ZSWIM6: variants seen among roughly 807,000 people sequenced by gnomAD.
ZSWIM6 encodes zinc finger SWIM-type containing 6, also known as zinc finger SWIM domain-containing protein 6.
Under a neutral mutation model 113.2 loss-of-function variants are expected in ZSWIM6, and 9 were observed. The ratio of observed to expected loss-of-function variants is 0.08; its 90% confidence interval spans 0.05 to 0.14. The LOEUF is 0.14. Ranked by LOEUF, ZSWIM6 falls within the 10% of genes least tolerant of loss-of-function variation. ZSWIM6 has a pLI of 1.00. For missense variants in ZSWIM6, 1,162 were observed against 1,552.2 expected (o/e 0.75, Z 4.22); for synonymous variants, 611 against 606.5 (o/e 1.01, Z -0.11).
At chr5:61,369,093 A>T (rs1745215342) in intron 1 of ZSWIM6, among the ~76,000 whole-genome samples, 1 of 152,246 alleles carries the variant, frequency 6.6e-6, no homozygotes, top group Admixed American at 6.5e-5. Context: ...GTTTACACAC[A>T]TATTCATTGG....
Position 61,544,670 on chromosome 5 carries a change from T to A in ZSWIM6, c.*353T>A, listed in dbSNP as rs1330623627. ...TATACGTTCACAGCCTCAAAAAAAATAATTGAAATGGCTTTAAAAACCAAA... is the reference window on the plus strand; with the variant it reads ...TATACGTTCACAGCCTCAAAAAAAAAAATTGAAATGGCTTTAAAAACCAAA... On this transcript the variant is annotated 3_prime_UTR_variant, in exon 14 of 14. Coordinates refer to ENST00000252744, the MANE Select transcript of ZSWIM6 (RefSeq NM_020928.2). 2 of 153,638 alleles carry A rather than the reference T, an allele frequency of 1.3e-5. No individual in the cohort carries two copies. The highest frequency in any genetic ancestry group is 6.5e-5 in the Admixed American group (1 of 15,324). The allele number at this position is 153,638 out of a possible 1,614,324, so 9.5% of individuals were successfully genotyped here.
Position 61,337,966 on chromosome 5 carries a change from ATG to A in ZSWIM6, c.676+5033_676+5034del, listed in dbSNP as rs140416092. On this transcript the variant is annotated intron_variant, in intron 1 of 13. Transcript: ENST00000252744. ...TTATATTGTTTTGGTGTGTTCGCAT[ATG>A]TGTGTGTGTGTGTGCTTGAGTGTGT... Among the ~76,000 whole-genome samples, 9 of 150,404 alleles carry A rather than the reference ATG, an allele frequency of 6.0e-5. No homozygotes were observed. In the South Asian group the frequency reaches 6.3e-4, roughly 11 times the overall value.
chr5:61,414,290 G>A (rs893039547), intron 1 of ZSWIM6, among the ~76,000 whole-genome samples: 1 of 152,054 alleles, frequency 6.6e-6, no homozygotes, highest in Non-Finnish European at 1.5e-5. Context: ...GCATTGGATG[G>A]GATGGGGAAA....
At chr5:61,433,338 C>A (rs888963739) in intron 1 of ZSWIM6, among the ~76,000 whole-genome samples, 1 of 151,796 alleles carries the variant, frequency 6.6e-6, no homozygotes, top group Non-Finnish European at 1.5e-5. Context: ...AGAAGGCATG[C>A]GGTGTGGCAT....
At chr5:61,347,763 T>C (rs1392663637) in intron 1 of ZSWIM6, 1 of 152,210 alleles carries the variant, frequency 6.6e-6, no homozygotes, top group Non-Finnish European at 1.5e-5. Flanking sequence ...TATGATAGAA[T>C]GTCCTGGTGA....
At chr5:61,370,264 C>T (rs1745238839) in intron 1 of ZSWIM6, among the ~76,000 whole-genome samples, 1 of 152,084 alleles carries the variant, frequency 6.6e-6, no homozygotes, top group Non-Finnish European at 1.5e-5. Context: ...TATTTAAAAG[C>T]TGTATAAAAA....
At chr5:61,513,889 T>C (rs183072896) in intron 4 of ZSWIM6, among the ~76,000 whole-genome samples, 100 of 152,244 alleles carry the variant, frequency 6.6e-4, no homozygotes, top group East Asian at 4.2e-3. Flanking sequence ...ATCTTTTGTC[T>C]TTGTCCTTCT....
intron 1 of ZSWIM6, among the ~76,000 whole-genome samples, chr5:61,343,097 A>G (rs1363581654): frequency 6.6e-6 from 1 of 152,216 alleles, no homozygotes; most frequent in East Asian, 1.9e-4. Context: ...TCCTTTTAAA[A>G]TGTTACAATT....
intron 1 of ZSWIM6, among the ~76,000 whole-genome samples, chr5:61,420,099 T>G (rs1221383957): frequency 6.6e-6 from 1 of 152,266 alleles, no homozygotes; most frequent in Non-Finnish European, 1.5e-5. Context: ...TTCAGATATT[T>G]TTATGGTTAT....
chr5:61,491,415 GTA>G (rs981407306), intron 3 of ZSWIM6, among the ~76,000 whole-genome samples: 5 of 151,988 alleles, frequency 3.3e-5, no homozygotes, highest in Non-Finnish European at 5.9e-5. Flanking sequence ...ATCTTTCTAA[GTA>G]TATAAACCTT....
At position 61,539,763 on chromosome 5, in the gene ZSWIM6, C is replaced by T. The variant is rs776737876; in HGVS notation, c.2703+4C>T. ...GTCTCTGGAGCTGGGCCTGCAGGTACATGACTGGTAGTCTTTCCTGGGACA... is the reference window on the plus strand; with the variant it reads ...GTCTCTGGAGCTGGGCCTGCAGGTATATGACTGGTAGTCTTTCCTGGGACA... On this transcript the variant is annotated splice_donor_region_variant and intron_variant, in intron 12 of 13. Coordinates refer to ENST00000252744, the MANE Select transcript of ZSWIM6 (RefSeq NM_020928.2). 2.6e-6 allele frequency: 4 copies of T among 1,549,318 alleles called. No homozygotes were observed. Among genetic ancestry groups the T allele is most frequent in the South Asian group, 1.2e-5 (1 of 83,656 alleles).
At chr5:61,420,855 T>G (rs1561230498) in intron 1 of ZSWIM6, among the ~76,000 whole-genome samples, 1 of 152,108 alleles carries the variant, frequency 6.6e-6, no homozygotes, top group Non-Finnish European at 1.5e-5. Flanking sequence ...AATGTAAAAT[T>G]AAATTATTTT....
intron 1 of ZSWIM6, among the ~76,000 whole-genome samples, chr5:61,362,816 A>G (rs1056690691): frequency 3.9e-5 from 6 of 152,162 alleles, no homozygotes; most frequent in African/African-American, 1.4e-4. Context: ...TCTGGCAGGC[A>G]TTTCAAGCCA....
intron 1 of ZSWIM6, among the ~76,000 whole-genome samples, chr5:61,365,731 A>G (rs192884890): frequency 1.8e-4 from 28 of 152,280 alleles, no homozygotes; most frequent in East Asian, 5.8e-4. Context: ...GATGGAGTCA[A>G]TTCCCTTTGC....
chr5:61,482,374 T>G (rs1481387475), intron 2 of ZSWIM6, among the ~76,000 whole-genome samples: 1 of 151,988 alleles, frequency 6.6e-6, no homozygotes, highest in Non-Finnish European at 1.5e-5. Flanking sequence ...AGGGGAGGGA[T>G]AGCATTAGGA....
rs1251411688 is a variant in ZSWIM6 at position 61,544,202 on chromosome 5, C to A, written c.3533C>A (p.Thr1178Asn). ...GAGTTCCTCAGCAAAGCCCGAGAGA[C>A]CTTCTTAATGGCGCATGATGGACAC... is the stretch of plus-strand genomic sequence containing the variant. The part of the protein sequence containing the change: ...FIEFLSKARE[T>N]FLMAHDGHIQ... The change falls in exon 14 of 14, where the codon ACC becomes AAC. Residue 1178 changes from threonine to asparagine, a missense_variant. Thr to Asn is a moderately conservative substitution (Grantham distance 65). Around this residue, in one of 4 missense-constraint regions of ZSWIM6, gnomAD observed 113 missense variants for 213.8 expected, o/e 0.53. Coordinates refer to ENST00000252744, the MANE Select transcript of ZSWIM6 (RefSeq NM_020928.2). 1 of 1,551,620 alleles carries A rather than the reference C, an allele frequency of 6.4e-7. No individual in the cohort carries two copies. Among genetic ancestry groups the A allele is most frequent in the Admixed American group, 2.0e-5 (1 of 50,994 alleles).
rs1428199352 is a variant in ZSWIM6 at position 61,525,853 on chromosome 5, G to A, written c.1567G>A (p.Asp523Asn). 7.7e-6 allele frequency: 12 copies of A among 1,551,788 alleles called. No individual in the cohort carries two copies. The highest frequency in any genetic ancestry group is 4.9e-5 in the East Asian group (2 of 40,938). Reference sequence around the variant, plus strand: ...GTTCACCCGAGCCATCGAGGCATGCGATCTCCACTGGCAGGATAGCCACTT... The same window carrying A: ...GTTCACCCGAGCCATCGAGGCATGCAATCTCCACTGGCAGGATAGCCACTT... ...TVFTRAIEAC[D>N]LHWQDSHLQH... is the part of the protein sequence containing the mutation. The change falls in exon 6 of 14, where the codon GAT becomes AAT. Residue 523 changes from aspartate to asparagine, a missense_variant. Transcript: ENST00000252744.
At chr5:61,380,777 C>G (rs1395107342) in intron 1 of ZSWIM6, among the ~76,000 whole-genome samples, 5 of 152,094 alleles carry the variant, frequency 3.3e-5, no homozygotes, top group Non-Finnish European at 1.5e-5. Context: ...GATTGCTAAC[C>G]CCTGGTTTAG....
At chr5:61,514,635 A>G (rs770040780) in intron 4 of ZSWIM6, among the ~76,000 whole-genome samples, 1 of 152,044 alleles carries the variant, frequency 6.6e-6, no homozygotes, top group Non-Finnish European at 1.5e-5. Flanking sequence ...AGATTATTAT[A>G]TGGTTTTTCT....
Sources: allele counts gnomAD v4.1 joint callset (sites outside exome capture counted in the v4.1 genomes callset), GRCh38; gene constraint gnomAD v4.1.1; regional missense constraint gnomAD v4.1.1; transcripts MANE v1.5; gene names NCBI Gene and HGNC (gene_info 2026-07-23, HGNC 2026-07-21).